The following NFATC1 variants were observed in gnomAD, a reference collection of about 807,000 sequenced individuals.
NFATC1 encodes the protein nuclear factor of activated T cells 1.
In NFATC1, 22 loss-of-function variants were observed where a neutral mutation model predicts 76.0. The observed-to-expected ratio is 0.29, with a 90% CI of 0.21 to 0.41. The LOEUF (loss-of-function observed/expected upper bound fraction) is 0.41, where lower values mean the gene tolerates loss of function less well. NFATC1 is among the 10% of genes least tolerant of loss of function. The probability of loss-of-function intolerance (pLI) is 1.00; values close to 1 mark genes in which losing one functional copy is unlikely to be tolerated. For missense variants in NFATC1, 1,357 were observed against 1,337.7 expected (o/e 1.01, Z -0.23); for synonymous variants, 704 against 613.1 (o/e 1.15, Z -2.19).
At chr18:79,523,841 G>A (rs996895716) in intron 9 of NFATC1, 4 of 152,180 alleles carry the variant, frequency 2.6e-5, no homozygotes, top group African/African-American at 9.7e-5. Flanking sequence ...AAATTAAATT[G>A]TGGTATAACA....
At chr18:79,435,171 T>A (rs1008847680) in intron 3 of NFATC1, among the ~76,000 whole-genome samples, 7 of 152,218 alleles carry the variant, frequency 4.6e-5, no homozygotes, top group Admixed American at 4.6e-4. Context: ...AGAGAAATAA[T>A]GGCCCAGTCC....
intron 1 of NFATC1, among the ~76,000 whole-genome samples, chr18:79,400,782 C>A (rs2085183813): frequency 9.2e-6 from 1 of 108,980 alleles, no homozygotes; most frequent in African/African-American, 3.2e-5. Flanking sequence ...CTCCCCCAGA[C>A]ACCCTCTCCC....
intron 2 of NFATC1, among the ~76,000 whole-genome samples, chr18:79,415,639 A>G (rs1336363267): frequency 6.6e-6 from 1 of 152,226 alleles, no homozygotes; most frequent in African/African-American, 2.4e-5. Context: ...GTTTAAAAAG[A>G]ATTTCTAAGG....
At chr18:79,406,361 C>A (rs996853730) in intron 1 of NFATC1, among the ~76,000 whole-genome samples, 7 of 151,934 alleles carry the variant, frequency 4.6e-5, no homozygotes, top group African/African-American at 1.5e-4. Flanking sequence ...GCAGGTGGGG[C>A]CTGAAGAGCC....
chr18:79,513,820 G>T (rs919731271), intron 9 of NFATC1, among the ~76,000 whole-genome samples: 3 of 152,350 alleles, frequency 2.0e-5, no homozygotes, highest in African/African-American at 7.2e-5. Context: ...GGTGCGTGGC[G>T]TGGTGAAGCC....
At chr18:79,521,364 G>T (rs2090558734) in intron 9 of NFATC1, among the ~76,000 whole-genome samples, 2 of 113,254 alleles carry the variant, frequency 1.8e-5, no homozygotes, top group Non-Finnish European at 3.5e-5. Context: ...CCACTGATGT[G>T]TGTGTGTGTG....
At chr18:79,475,632 C>T (rs576639001) in intron 8 of NFATC1, among the ~76,000 whole-genome samples, 2 of 152,294 alleles carry the variant, frequency 1.3e-5, no homozygotes, top group East Asian at 1.9e-4. Flanking sequence ...GAAGCGTGTT[C>T]TCACGCTCAC....
chr18:79,529,134 C>T lies in NFATC1; in HGVS notation c.*1557C>T, dbSNP rs372277015. ...AGAAACAACCTGAAGGCCATCCCGT[C>T]GGTCTGCACGTAACCGTGAAGACGT... On this transcript the variant is annotated 3_prime_UTR_variant, in exon 10 of 10. Coordinates refer to ENST00000427363, the MANE Select transcript of NFATC1 (RefSeq NM_001278669.2). 1.3e-5 allele frequency: 2 copies of T among 152,260 alleles called. No homozygotes were observed. The highest frequency in any genetic ancestry group is 4.8e-5 in the African/African-American group (2 of 41,450). 9.4% of individuals were successfully genotyped at this position (152,260 alleles called of 1,614,324 possible).
intron 9 of NFATC1, among the ~76,000 whole-genome samples, chr18:79,511,738 G>A (rs1352363974): frequency 2.0e-5 from 3 of 152,046 alleles, no homozygotes; most frequent in African/African-American, 4.8e-5. Flanking sequence ...GCGTGGTTTC[G>A]AGGCTCTCAG....
chr18:79,407,105 G>A (rs2085470183), intron 1 of NFATC1, among the ~76,000 whole-genome samples: 1 of 152,268 alleles, frequency 6.6e-6, no homozygotes, highest in Admixed American at 6.5e-5. Context: ...CAGCAGATCA[G>A]AGGACTTCAG....
intron 2 of NFATC1, among the ~76,000 whole-genome samples, chr18:79,411,898 G>T (rs1399753137): frequency 6.6e-6 from 1 of 152,210 alleles, no homozygotes; most frequent in Non-Finnish European, 1.5e-5. Flanking sequence ...TCACACACGC[G>T]CAGTTTCTTC....
intron 7 of NFATC1, among the ~76,000 whole-genome samples, chr18:79,464,387 G>T (rs938632788): frequency 2.0e-5 from 3 of 152,004 alleles, no homozygotes; most frequent in Non-Finnish European, 2.9e-5. Context: ...GAGCCACCGC[G>T]CCCGGCCTGC....
At chr18:79,429,904 G>A (rs764714207) in intron 2 of NFATC1, among the ~76,000 whole-genome samples, 3 of 152,254 alleles carry the variant, frequency 2.0e-5, no homozygotes, top group Non-Finnish European at 2.9e-5. Context: ...TCGTGAGATC[G>A]TGAGAGCGTA....
chr18:79,420,646 A>G (rs1347274533), intron 2 of NFATC1, among the ~76,000 whole-genome samples: 174 of 100,636 alleles, frequency 1.7e-3, no homozygotes, highest in Middle Eastern at 9.4e-3. Flanking sequence ...GTTTCCAGGC[A>G]AGGTCGCTGC....
intron 2 of NFATC1, among the ~76,000 whole-genome samples, chr18:79,426,533 C>G (rs2086341806): frequency 6.6e-6 from 1 of 152,178 alleles, no homozygotes; most frequent in Non-Finnish European, 1.5e-5. Context: ...CAGGTGTTTC[C>G]ATTTGACCTG....
intron 9 of NFATC1, among the ~76,000 whole-genome samples, chr18:79,503,299 A>G (rs980779702): frequency 1.3e-5 from 2 of 152,230 alleles, no homozygotes; most frequent in African/African-American, 4.8e-5. Context: ...CCAGTATGGC[A>G]AAAGAAAGCC....
chr18:79,493,686 C>G (rs1479782347), intron 9 of NFATC1: 2 of 152,188 alleles, frequency 1.3e-5, no homozygotes, highest in African/African-American at 4.8e-5. Context: ...GCCCGGCGCC[C>G]AGGTCTGAGG....
intron 2 of NFATC1, among the ~76,000 whole-genome samples, chr18:79,430,020 G>A (rs567642430): frequency 3.9e-5 from 6 of 152,378 alleles, no homozygotes; most frequent in African/African-American, 9.6e-5. Flanking sequence ...CCGTGCAGAC[G>A]TGTACTGGGG....
Position 79,527,965 on chromosome 18 carries a change from A to C in NFATC1, c.*388A>C, listed in dbSNP as rs949257847. ...AACCAGACCATCAGGGCATCATAGA[A>C]TTGAGCATTGAATTTGCTACTGTAG... is the stretch of plus-strand genomic sequence containing the variant. On this transcript the variant is annotated 3_prime_UTR_variant, in exon 10 of 10. Coordinates refer to ENST00000427363, the MANE Select transcript of NFATC1 (RefSeq NM_001278669.2). 5 of 413,226 alleles carry C rather than the reference A, an allele frequency of 1.2e-5. No homozygotes were observed. Among genetic ancestry groups the C allele is most frequent in the African/African-American group, 8.1e-5 (4 of 49,498 alleles). 25.6% of individuals were successfully genotyped at this position (413,226 alleles called of 1,614,324 possible).
Sources: allele counts gnomAD v4.1 joint callset (sites outside exome capture counted in the v4.1 genomes callset), GRCh38; gene constraint gnomAD v4.1.1; transcripts MANE v1.5; gene names NCBI Gene and HGNC (gene_info 2026-07-23, HGNC 2026-07-21).